Variants in ARFGEF1 observed in about 807,000 individuals in gnomAD.
The protein encoded by ARFGEF1 is brefeldin A-inhibited guanine nucleotide-exchange protein 1.
A neutral mutation model predicts 231.0 loss-of-function variants in ARFGEF1; 42 were observed. That is an observed-to-expected ratio of 0.18 (90% confidence interval 0.14 to 0.24). The LOEUF (loss-of-function observed/expected upper bound fraction) is 0.24. ARFGEF1 is among the 10% of genes least tolerant of loss of function. The pLI, the probability that ARFGEF1 is intolerant of heterozygous loss-of-function variation, is 1.00. For missense variants in ARFGEF1, 1,345 were observed against 2,192.0 expected (o/e 0.61, Z 7.72); for synonymous variants, 710 against 732.3 (o/e 0.97, Z 0.49).
At chr8:67,271,031 A>AAAAAAGAAAAAG (rs1805067915) in intron 10 of ARFGEF1, among the ~76,000 whole-genome samples, 1 of 144,270 alleles carries the variant, frequency 6.9e-6, no homozygotes, top group Admixed American at 6.9e-5. Flanking sequence ...TCTCCAAAAA[A>AAAAAAGAAAAAG]AAAAAAAAAA....
chr8:67,265,873 G>A (rs2128893566), intron 14 of ARFGEF1, 133 bp downstream of exon 14: 1 of 784,742 alleles, frequency 1.3e-6, no homozygotes, highest in Non-Finnish European at 2.0e-6. Context: ...GGCTGAATAG[G>A]AGCCTCGTGA....
At chr8:67,216,097 A>G (rs1245766527) in intron 33 of ARFGEF1, among the ~76,000 whole-genome samples, 1 of 152,212 alleles carries the variant, frequency 6.6e-6, no homozygotes. Context: ...ATTGTCTGTG[A>G]CATTGACCAA....
At chr8:67,292,157 A>G in intron 5 of ARFGEF1, 34 bp from the exon 6 acceptor site, 2 of 1,583,048 alleles carry the variant, frequency 1.3e-6, no homozygotes, top group Non-Finnish European at 1.7e-6. Context: ...TATTAGTAAA[A>G]TAAGTTGTTT....
intron 1 of ARFGEF1, among the ~76,000 whole-genome samples, chr8:67,330,931 A>C (rs1317036685): frequency 6.6e-6 from 1 of 152,170 alleles, no homozygotes; most frequent in Non-Finnish European, 1.5e-5. Context: ...CAACTATAAC[A>C]CTTTTTATCT....
intron 1 of ARFGEF1, among the ~76,000 whole-genome samples, chr8:67,339,471 A>C (rs773619600): frequency 1.3e-5 from 2 of 152,092 alleles, no homozygotes; most frequent in Non-Finnish European, 2.9e-5. Context: ...GAAACTCCTG[A>C]AACTTAGAGG....
intron 7 of ARFGEF1, among the ~76,000 whole-genome samples, chr8:67,285,914 G>C (rs1805738627): frequency 6.6e-6 from 1 of 152,122 alleles, no homozygotes; most frequent in African/African-American, 2.4e-5. Context: ...GAAAAATCAA[G>C]AGGACTTGTT....
At chr8:67,236,151 A>G (rs1222192413) in intron 22 of ARFGEF1, among the ~76,000 whole-genome samples, 1 of 149,740 alleles carries the variant, frequency 6.7e-6, no homozygotes, top group Non-Finnish European at 1.5e-5. Context: ...CAAACAAACA[A>G]ACAAACAACA....
In ARFGEF1 at chr8:67,266,867, T is replaced by C. The variant is rs891287222; in HGVS notation, c.1921+9A>G. The C allele has an allele frequency of 1.4e-5, 23 of 1,603,006 alleles. No homozygotes were observed. Among genetic ancestry groups the C allele is most frequent in the Non-Finnish European group, 2.0e-5 (23 of 1,172,208 alleles). ...TGACAAAGAATTACAGCTCAAAATA[T>C]CACCTTACCAAGAGTTGTCTGGGAG... On this transcript the variant is annotated intron_variant, in intron 13 of 38. Transcript: ENST00000262215.
intron 29 of ARFGEF1, among the ~76,000 whole-genome samples, chr8:67,223,131 A>G (rs1443310477): frequency 6.6e-6 from 1 of 152,210 alleles, no homozygotes. Flanking sequence ...CCCCAAATCT[A>G]GAGAATTTTG....
At chr8:67,201,253 A>C (rs911235903) in intron 37 of ARFGEF1, among the ~76,000 whole-genome samples, 6 of 152,188 alleles carry the variant, frequency 3.9e-5, no homozygotes, top group Non-Finnish European at 5.9e-5. Flanking sequence ...AAAACAGAAA[A>C]CCTCCTTTGT....
chr8:67,334,718 A>G (rs1404430116), intron 1 of ARFGEF1, among the ~76,000 whole-genome samples: 1 of 152,234 alleles, frequency 6.6e-6, no homozygotes, highest in East Asian at 1.9e-4. Flanking sequence ...ATGGAATGCT[A>G]TTCATCAATA....
intron 7 of ARFGEF1, among the ~76,000 whole-genome samples, chr8:67,284,609 T>G (rs948212233): frequency 1.3e-5 from 2 of 152,204 alleles, no homozygotes; most frequent in African/African-American, 4.8e-5. Context: ...GGCATCTTGT[T>G]GGGGATCTGG....
chr8:67,311,083 G>T (rs552591442), intron 1 of ARFGEF1, among the ~76,000 whole-genome samples: 3 of 144,210 alleles, frequency 2.1e-5, no homozygotes, highest in African/African-American at 2.6e-5. Context: ...CCCTCTGCCC[G>T]GCCAGCCGCC....
chr8:67,302,977 C>G (rs951027828), intron 1 of ARFGEF1, among the ~76,000 whole-genome samples: 4 of 149,446 alleles, frequency 2.7e-5, no homozygotes, highest in Non-Finnish European at 5.9e-5. Flanking sequence ...ACAGTCCTAG[C>G]TATGTGGGGC....
At chr8:67,220,321 G>A (rs1839104527) in intron 29 of ARFGEF1, among the ~76,000 whole-genome samples, 1 of 152,094 alleles carries the variant, frequency 6.6e-6, no homozygotes, top group Non-Finnish European at 1.5e-5. Context: ...GAAAATACAG[G>A]CATCCTCCAG....
chr8:67,243,151 G>T (rs1475007234), intron 19 of ARFGEF1, among the ~76,000 whole-genome samples: 1 of 152,222 alleles, frequency 6.6e-6, no homozygotes, highest in Non-Finnish European at 1.5e-5. Flanking sequence ...CTATGAGTCT[G>T]CAAGAACTAC....
At chr8:67,312,263 A>C (rs1042965850) in intron 1 of ARFGEF1, among the ~76,000 whole-genome samples, 46 of 151,782 alleles carry the variant, frequency 3.0e-4, no homozygotes, top group Admixed American at 9.2e-4. Context: ...AAAAAAAACA[A>C]CACACACCAG....
At chr8:67,201,347 TG>T in intron 37 of ARFGEF1, 119 bp downstream of exon 37, 1 of 1,260,812 alleles carries the variant, frequency 7.9e-7, no homozygotes, top group Non-Finnish European at 1.1e-6. Flanking sequence ...AACTGCTCTG[TG>T]GAATAGGGGC....
At chr8:67,328,801 A>C (rs1807958667) in intron 1 of ARFGEF1, among the ~76,000 whole-genome samples, 1 of 152,240 alleles carries the variant, frequency 6.6e-6, no homozygotes, top group African/African-American at 2.4e-5. Flanking sequence ...TAAATCAAGA[A>C]TGTTTTCATA....
Sources: allele counts gnomAD v4.1 joint callset (sites outside exome capture counted in the v4.1 genomes callset), GRCh38; gene constraint gnomAD v4.1.1; transcripts MANE v1.5; gene names NCBI Gene and HGNC (gene_info 2026-07-23, HGNC 2026-07-21).